The following PRKG1 variants were observed in gnomAD, a reference collection of about 807,000 sequenced individuals.
PRKG1 encodes the protein cGMP-dependent protein kinase 1.
In PRKG1, 35 loss-of-function variants were observed where a neutral mutation model predicts 88.1. The observed-to-expected ratio is 0.40, with a 90% CI of 0.30 to 0.53. PRKG1 has a LOEUF of 0.53. Among genes scored for constraint, PRKG1 ranks in the 20% least tolerant of loss-of-function variants. PRKG1 has a pLI of 0.59. For synonymous variants in PRKG1, 303 were observed against 292.5 expected, an observed-to-expected ratio of 1.04 and a Z score of -0.37; for missense variants, 540 against 839.8, an observed-to-expected ratio of 0.64 and a Z score of 4.41.
intron 10 of PRKG1, among the ~76,000 whole-genome samples, chr10:52,258,495 T>A (rs1225538703): frequency 1.3e-5 from 2 of 151,720 alleles, no homozygotes; most frequent in East Asian, 1.9e-4. Flanking sequence ...TGAGACATGA[T>A]CCACATTTTA....
At chr10:52,237,258 C>G (rs948331780) in intron 9 of PRKG1, among the ~76,000 whole-genome samples, 21 of 145,594 alleles carry the variant, frequency 1.4e-4, no homozygotes, top group Non-Finnish European at 2.4e-4. Flanking sequence ...AAAACTGGCA[C>G]AAGACAGGGA....
At chr10:51,060,811 T>C (rs1390976056) in intron 1 of PRKG1, among the ~76,000 whole-genome samples, 1 of 152,230 alleles carries the variant, frequency 6.6e-6, no homozygotes, top group Non-Finnish European at 1.5e-5. Context: ...TTCTCTAGTT[T>C]TTATTTCTCT....
At chr10:51,188,712 G>T (rs999137167) in intron 2 of PRKG1, among the ~76,000 whole-genome samples, 2 of 151,762 alleles carry the variant, frequency 1.3e-5, no homozygotes, top group Non-Finnish European at 2.9e-5. Flanking sequence ...ACTGTGGTGG[G>T]TATCCTAAGT....
chr10:51,041,846 A>G (rs1843428190), intron 1 of PRKG1, among the ~76,000 whole-genome samples: 1 of 152,140 alleles, frequency 6.6e-6, no homozygotes, highest in South Asian at 2.1e-4. Context: ...AATACAGAAT[A>G]CCTCCAGTAT....
chr10:51,776,928 G>A (rs764353236), intron 3 of PRKG1, among the ~76,000 whole-genome samples: 5 of 152,098 alleles, frequency 3.3e-5, no homozygotes, highest in East Asian at 3.9e-4. Context: ...CCTATGCCAC[G>A]GAAGACATTT....
intron 5 of PRKG1, among the ~76,000 whole-genome samples, chr10:51,913,616 C>T (rs1472534613): frequency 6.6e-6 from 1 of 152,088 alleles, no homozygotes; most frequent in African/African-American, 2.4e-5. Context: ...GTTTCTTGGT[C>T]AAAAATCTGT....
intron 2 of PRKG1, among the ~76,000 whole-genome samples, chr10:51,182,706 C>T (rs1335627162): frequency 6.6e-6 from 1 of 152,142 alleles, no homozygotes; most frequent in Non-Finnish European, 1.5e-5. Flanking sequence ...TCTCAAGTGG[C>T]AGATTTGCAT....
At chr10:52,112,342 A>G (rs578226451) in intron 7 of PRKG1, among the ~76,000 whole-genome samples, 2 of 152,226 alleles carry the variant, frequency 1.3e-5, no homozygotes, top group East Asian at 3.9e-4. Flanking sequence ...GTTTCCTCCA[A>G]CTGAAAAATG....
At chr10:51,598,999 G>C (rs1262967807) in intron 3 of PRKG1, among the ~76,000 whole-genome samples, 1 of 152,194 alleles carries the variant, frequency 6.6e-6, no homozygotes, top group Non-Finnish European at 1.5e-5. Context: ...CCATGTGCCA[G>C]AGTTGTTTAG....
rs1429581191 is a variant in PRKG1 at position 51,603,372 on chromosome 10, C to G, written c.592+135536C>G. On this transcript the variant is annotated intron_variant, in intron 3 of 17. Coordinates refer to ENST00000373980, the MANE Select transcript of PRKG1 (RefSeq NM_006258.4). ...TTTCAATCTTTTTGTCTGGTGAGTT[C>G]TTTACTCAAGCTAAGTGAACCCCAA... is the stretch of plus-strand genomic sequence containing the variant. 2.0e-5 allele frequency among the ~76,000 whole-genome samples: 3 copies of G among 152,248 alleles called. No homozygotes were observed. In the East Asian group the frequency reaches 5.8e-4, roughly 29 times the overall value.
intron 1 of PRKG1, among the ~76,000 whole-genome samples, chr10:51,077,134 TTGAA>T (rs957870346): frequency 4.6e-5 from 7 of 152,354 alleles, no homozygotes; most frequent in African/African-American, 1.7e-4. Context: ...CTTATGTTGT[TTGAA>T]TGGTTGTACA....
chr10:51,092,540 G>A (rs555860850), intron 1 of PRKG1, among the ~76,000 whole-genome samples: 15 of 152,300 alleles, frequency 9.8e-5, no homozygotes, highest in Admixed American at 4.6e-4. Context: ...TAACTGGCTG[G>A]CTGTGTTCCC....
intron 9 of PRKG1, among the ~76,000 whole-genome samples, chr10:52,228,429 A>T (rs1216143164): frequency 6.6e-6 from 1 of 152,186 alleles, no homozygotes; most frequent in African/African-American, 2.4e-5. Flanking sequence ...CTTAGAGAAA[A>T]TCTTTTCACT....
intron 9 of PRKG1, among the ~76,000 whole-genome samples, chr10:52,245,910 A>T (rs1203280930): frequency 6.6e-6 from 1 of 152,002 alleles, no homozygotes; most frequent in African/African-American, 2.4e-5. Flanking sequence ...GCTCTGAATT[A>T]CCCATCTGGA....
At chr10:51,733,137 C>T (rs1251178748) in intron 3 of PRKG1, among the ~76,000 whole-genome samples, 1 of 152,180 alleles carries the variant, frequency 6.6e-6, no homozygotes, top group East Asian at 1.9e-4. Context: ...TCATAAGGCA[C>T]TACTAGCCTC....
At chr10:52,180,513 T>C (rs1464114038) in intron 9 of PRKG1, among the ~76,000 whole-genome samples, 1 of 152,228 alleles carries the variant, frequency 6.6e-6, no homozygotes, top group Non-Finnish European at 1.5e-5. Context: ...TCCAATTTTA[T>C]TGTATAGGTT....
chr10:51,724,690 T>C (rs556713219), intron 3 of PRKG1, among the ~76,000 whole-genome samples: 4 of 151,962 alleles, frequency 2.6e-5, no homozygotes, highest in Non-Finnish European at 5.9e-5. Context: ...GTGCCTGGCT[T>C]CATTCATGGG....
At chr10:51,577,757 G>T (rs1380312440) in intron 3 of PRKG1, among the ~76,000 whole-genome samples, 1 of 152,064 alleles carries the variant, frequency 6.6e-6, no homozygotes, top group Admixed American at 6.6e-5. Context: ...CTGCAGTTTG[G>T]TTTTGATTAC....
intron 2 of PRKG1, among the ~76,000 whole-genome samples, chr10:51,411,831 T>C (rs1167445807): frequency 6.6e-6 from 1 of 152,160 alleles, no homozygotes; most frequent in East Asian, 1.9e-4. Context: ...TTGGGGATCA[T>C]TGTGCTTCTG....
Sources: gnomAD v4.1 joint callset for allele counts (sites outside exome capture counted in the v4.1 genomes callset) on GRCh38, gnomAD v4.1.1 for gene constraint, MANE v1.5 for transcripts, NCBI Gene and HGNC (gene_info 2026-07-23, HGNC 2026-07-21) for gene names.